Variants in MYO1D observed in about 807,000 individuals in gnomAD.
MYO1D encodes unconventional myosin-Id.
Under a neutral mutation model 122.0 loss-of-function variants are expected in MYO1D, and 83 were observed. The observed-to-expected ratio is 0.68, with a 90% CI of 0.57 to 0.82. The LOEUF (loss-of-function observed/expected upper bound fraction) is 0.82, where lower values mean the gene tolerates loss of function less well. Among genes scored for constraint, MYO1D ranks in the 40% least tolerant of loss-of-function variants. The pLI is 0.00. For missense variants in MYO1D, 1,157 were observed against 1,269.5 expected (o/e 0.91, Z 1.35); for synonymous variants, 464 against 446.9 (o/e 1.04, Z -0.48).
chr17:32,624,515 T>TAACA (rs1396386547), intron 20 of MYO1D, among the ~76,000 whole-genome samples: 1 of 152,164 alleles, frequency 6.6e-6, no homozygotes, highest in Non-Finnish European at 1.5e-5. Flanking sequence ...ACTAACATAC[T>TAACA]AACATTTTTT....
At chr17:32,755,708 G>A in intron 10 of MYO1D, 46 bp from the exon 11 acceptor site, 1 of 1,554,150 alleles carries the variant, frequency 6.4e-7, no homozygotes, top group Non-Finnish European at 8.8e-7. Context: ...ACAGTGACCA[G>A]GCCAGGTTAA....
intron 21 of MYO1D, among the ~76,000 whole-genome samples, chr17:32,522,558 A>G (rs73274291): frequency 0.056 from 8,525 of 152,252 alleles, 541 homozygotes; most frequent in African/African-American, 0.16. Flanking sequence ...CCAGGGGATG[A>G]GGCACAGAGC....
At chr17:32,668,863 G>C (rs1221866773) in intron 16 of MYO1D, among the ~76,000 whole-genome samples, 2 of 151,938 alleles carry the variant, frequency 1.3e-5, no homozygotes, top group Non-Finnish European at 2.9e-5. Flanking sequence ...CACCACGCCT[G>C]GCTAATTTTT....
At chr17:32,708,135 G>A (rs919656436) in intron 16 of MYO1D, among the ~76,000 whole-genome samples, 2 of 152,254 alleles carry the variant, frequency 1.3e-5, no homozygotes, top group African/African-American at 2.4e-5. Flanking sequence ...CTCGACATAG[G>A]GGGTGAGAAG....
chr17:32,545,194 T>C (rs141370782), intron 21 of MYO1D, among the ~76,000 whole-genome samples: 114 of 152,230 alleles, frequency 7.5e-4, no homozygotes, highest in Middle Eastern at 3.4e-3. Flanking sequence ...CAGACTCGAG[T>C]TGGAGTCCTA....
intron 21 of MYO1D, among the ~76,000 whole-genome samples, chr17:32,517,731 G>A (rs1291418272): frequency 6.6e-6 from 1 of 152,176 alleles, no homozygotes; most frequent in African/African-American, 2.4e-5. Context: ...CTGGGAACTG[G>A]CCTAGCACAT....
chr17:32,764,938 G>A lies in MYO1D; in HGVS notation c.975C>T (p.Asp325=), dbSNP rs1333030542. The change falls in exon 8 of 22, where the codon GAC becomes GAT. Residue 325 remains aspartate, a synonymous_variant. Transcript: ENST00000318217. ...GTTCTGTGTGCTGCTTGTCAATGAT[G>A]TCACGGCCTGTGGCCACAGTCCGGT... is the stretch of plus-strand genomic sequence containing the variant. ...LLYRTVATGR[D]IIDKQHTEQE... 6.2e-7 allele frequency: 1 copy of A among 1,614,076 alleles called. No homozygotes were observed. The highest frequency in any genetic ancestry group is 8.5e-7 in the Non-Finnish European group (1 of 1,180,056).
chr17:32,614,878 C>A (rs887251297), intron 20 of MYO1D, among the ~76,000 whole-genome samples: 9 of 152,218 alleles, frequency 5.9e-5, no homozygotes, highest in African/African-American at 2.2e-4. Flanking sequence ...GGTCAGCAGT[C>A]CTGGCTTGAG....
At chr17:32,509,750 A>G (rs1047830241) in intron 21 of MYO1D, among the ~76,000 whole-genome samples, 2 of 152,138 alleles carry the variant, frequency 1.3e-5, no homozygotes. Context: ...CACCACACCC[A>G]GCTAATTTTT....
intron 21 of MYO1D, among the ~76,000 whole-genome samples, chr17:32,574,127 C>T (rs1250031984): frequency 6.6e-6 from 1 of 152,152 alleles, no homozygotes; most frequent in African/African-American, 2.4e-5. Context: ...GCTGGGATTA[C>T]AGGTGTGAGC....
In MYO1D at chr17:32,524,564, C is replaced by CTTTTT. The variant is rs11323072; in HGVS notation, c.2865-29654_2865-29650dup. ...TGGGTGCCATCATGCCTGATTAATT[C>CTTTTT]TTTTTTTTTTTTTTTTTTTGAGACA... On this transcript the variant is annotated intron_variant, in intron 21 of 21. Coordinates refer to ENST00000318217, the MANE Select transcript of MYO1D (RefSeq NM_015194.3). Among the ~76,000 whole-genome samples the CTTTTT allele has an allele frequency of 5.0e-5, 6 of 119,302 alleles. 1 individual carries two copies. In the Admixed American group the frequency reaches 5.3e-4, roughly 11 times the overall value. The allele number at this position is 119,302 out of a possible 152,430, so 78.3% of individuals were successfully genotyped here. A position where few individuals can be genotyped will look rare whatever the true frequency, so the allele number is the denominator to read the frequency against.
intron 18 of MYO1D, 146 bp downstream of exon 18, chr17:32,654,331 G>C (rs1400575611): frequency 1.1e-6 from 1 of 880,996 alleles, no homozygotes; most frequent in Non-Finnish European, 1.7e-6. Flanking sequence ...TGTACATTTA[G>C]AAGCAATAAA....
intron 18 of MYO1D, among the ~76,000 whole-genome samples, chr17:32,654,227 G>A (rs1423919752): frequency 1.3e-5 from 2 of 152,148 alleles, no homozygotes; most frequent in Admixed American, 6.5e-5. Flanking sequence ...GTAAGGGAAG[G>A]TTTAAATGGT....
intron 1 of MYO1D, among the ~76,000 whole-genome samples, chr17:32,848,630 C>G (rs1157290449): frequency 6.6e-6 from 1 of 152,168 alleles, no homozygotes; most frequent in African/African-American, 2.4e-5. Flanking sequence ...CCTTAGCTCT[C>G]TGTTGCTTAC....
intron 1 of MYO1D, among the ~76,000 whole-genome samples, chr17:32,817,034 C>T (rs1036159066): frequency 6.6e-6 from 1 of 152,074 alleles, no homozygotes; most frequent in Non-Finnish European, 1.5e-5. Context: ...TAATGAGGTA[C>T]TAGATGTATT....
At chr17:32,573,752 T>A (rs2087251919) in intron 21 of MYO1D, among the ~76,000 whole-genome samples, 9 of 152,232 alleles carry the variant, frequency 5.9e-5, no homozygotes. Context: ...CTTGAACTCC[T>A]GGCCTCAAGC....
Position 32,771,226 on chromosome 17 carries a change from A to G in MYO1D, c.619-6T>C, listed in dbSNP as rs1341510154. The stretch of plus-strand genomic sequence containing the variant: ...TCTGAACCTCCTTGGAGTAGCTGAA[A>G]AATATTTAATTAGAAATAAATTGGC... On this transcript the variant is annotated splice_polypyrimidine_tract_variant and splice_region_variant and intron_variant, in intron 5 of 21. Transcript: ENST00000318217. The G allele has an allele frequency of 1.3e-6, 2 of 1,585,424 alleles. No homozygotes were observed. Among genetic ancestry groups the G allele is most frequent in the South Asian group, 1.1e-5 (1 of 89,290 alleles).
At chr17:32,822,648 C>G (rs2090682134) in intron 1 of MYO1D, among the ~76,000 whole-genome samples, 1 of 149,156 alleles carries the variant, frequency 6.7e-6, no homozygotes, top group Non-Finnish European at 1.5e-5. Context: ...GGTGGCCGCG[C>G]GGGCCCCGGT....
At chr17:32,560,341 C>T in intron 21 of MYO1D, among the ~76,000 whole-genome samples, 1 of 151,462 alleles carries the variant, frequency 6.6e-6, no homozygotes, top group Non-Finnish European at 1.5e-5. Context: ...CTAGTCTCTT[C>T]TTTTTTGCAT....
Sources: allele counts gnomAD v4.1 joint callset (sites outside exome capture counted in the v4.1 genomes callset), GRCh38; gene constraint gnomAD v4.1.1; transcripts MANE v1.5; gene names NCBI Gene and HGNC (gene_info 2026-07-23, HGNC 2026-07-21).